FOXP2: variants seen among roughly 807,000 people sequenced by gnomAD.
The protein encoded by FOXP2 is forkhead box protein P2.
A neutral mutation model predicts 115.8 loss-of-function variants in FOXP2; 12 were observed. The ratio of observed to expected loss-of-function variants is 0.10; its 90% confidence interval spans 0.07 to 0.17. The LOEUF is 0.17. Ranked by LOEUF, FOXP2 falls within the 10% of genes least tolerant of loss-of-function variation. The pLI is 1.00. For synonymous variants in FOXP2, 328 were observed against 297.7 expected, an observed-to-expected ratio of 1.10 and a Z score of -1.05; for missense variants, 629 against 843.5, an observed-to-expected ratio of 0.75 and a Z score of 3.15.
At position 114,534,717 on chromosome 7, in the gene FOXP2, C is replaced by T. The variant is rs1165093390; in HGVS notation, c.258+11C>T. On this transcript the variant is annotated intron_variant, in intron 3 of 16. Coordinates refer to ENST00000350908, the MANE Select transcript of FOXP2 (RefSeq NM_014491.4). Reference sequence around the variant, plus strand: ...CAGAGACCACTGCAGGTTAGTAAAGCACTCCTGTCCTTGGGGTCTTATTTT... The same window carrying T: ...CAGAGACCACTGCAGGTTAGTAAAGTACTCCTGTCCTTGGGGTCTTATTTT... 1.2e-6 allele frequency: 2 copies of T among 1,600,878 alleles called. No homozygotes were observed. The highest frequency in any genetic ancestry group is 2.7e-5 in the African/African-American group (2 of 74,554).
chr7:114,265,435 T>C (rs983820438), intron 1 of FOXP2, among the ~76,000 whole-genome samples: 2 of 152,180 alleles, frequency 1.3e-5, no homozygotes, highest in African/African-American at 4.8e-5. Context: ...TCCCAAGGCC[T>C]TGGGCAGCTC....
At chr7:114,349,537 T>C (rs1294295472) in intron 2 of FOXP2, among the ~76,000 whole-genome samples, 2 of 152,110 alleles carry the variant, frequency 1.3e-5, no homozygotes. Flanking sequence ...TGGCAGTAGA[T>C]ATTTGATTGT....
chr7:114,345,250 T>C (rs1341508964), intron 2 of FOXP2, among the ~76,000 whole-genome samples: 3 of 151,810 alleles, frequency 2.0e-5, no homozygotes, highest in South Asian at 2.1e-4. Context: ...GACATTATTT[T>C]AAAATTGTGT....
upstream of FOXP2, among the ~76,000 whole-genome samples, chr7:114,410,299 C>G (rs1251602252): frequency 1.3e-5 from 2 of 152,022 alleles, no homozygotes; most frequent in Non-Finnish European, 2.9e-5. Context: ...CCTACTTTCC[C>G]ATGACACCCA....
chr7:114,091,044 A>G (rs1799533149), intron 1 of FOXP2, among the ~76,000 whole-genome samples: 1 of 151,846 alleles, frequency 6.6e-6, no homozygotes. Flanking sequence ...ATATTGTAGG[A>G]TACTCTTCCC....
intron 3 of FOXP2, among the ~76,000 whole-genome samples, chr7:114,588,967 A>G (rs778472152): frequency 9.9e-5 from 15 of 152,174 alleles, no homozygotes; most frequent in African/African-American, 3.1e-4. Context: ...ATTTTTGCTA[A>G]TTCTATTAAG....
intron 1 of FOXP2, among the ~76,000 whole-genome samples, chr7:114,117,347 G>GAGCT (rs1189938865): frequency 6.6e-6 from 1 of 151,396 alleles, no homozygotes; most frequent in East Asian, 2.0e-4. Flanking sequence ...CTAGCCTCCC[G>GAGCT]AGTAGCTGGG....
chr7:114,504,475 C>G (rs1412063103), intron 2 of FOXP2, among the ~76,000 whole-genome samples: 1 of 151,556 alleles, frequency 6.6e-6, no homozygotes, highest in African/African-American at 2.4e-5. Context: ...GATGTTATTT[C>G]TGTTCCTTGG....
At chr7:114,665,635 T>G (rs546026839) in intron 16 of FOXP2, 1 of 152,144 alleles carries the variant, frequency 6.6e-6, no homozygotes, top group South Asian at 2.1e-4. Context: ...TGAACATTAA[T>G]GTGTTTTATC....
intron 1 of FOXP2, among the ~76,000 whole-genome samples, chr7:114,262,309 G>A (rs1300111820): frequency 2.0e-5 from 3 of 152,048 alleles, no homozygotes; most frequent in Non-Finnish European, 4.4e-5. Context: ...TGTAATCTCA[G>A]CTGCTTGGAT....
chr7:114,514,668 T>G (rs1798240913), intron 2 of FOXP2, among the ~76,000 whole-genome samples: 1 of 151,730 alleles, frequency 6.6e-6, no homozygotes, highest in Admixed American at 6.6e-5. Flanking sequence ...CACATATTTC[T>G]TTTTTACATT....
intron 2 of FOXP2, among the ~76,000 whole-genome samples, chr7:114,441,803 C>T (rs1794618433): frequency 6.6e-6 from 1 of 152,144 alleles, no homozygotes; most frequent in African/African-American, 2.4e-5. Flanking sequence ...TAATACCACA[C>T]TGAGATACTA....
At chr7:114,557,787 CTTTATTTATTTA>C (rs59243864) in intron 3 of FOXP2, among the ~76,000 whole-genome samples, 69 of 148,214 alleles carry the variant, frequency 4.7e-4, no homozygotes, top group South Asian at 2.8e-3. Flanking sequence ...ACTGAACTGA[CTTTATTTATTTA>C]TTTATTTATT....
intron 2 of FOXP2, among the ~76,000 whole-genome samples, chr7:114,462,210 G>A (rs1360846577): frequency 6.8e-6 from 1 of 146,874 alleles, no homozygotes; most frequent in Non-Finnish European, 1.5e-5. Flanking sequence ...GAACCCGGGA[G>A]GCGGAGGTTG....
intron 3 of FOXP2, among the ~76,000 whole-genome samples, chr7:114,584,364 A>G (rs1210243920): frequency 6.6e-6 from 1 of 152,118 alleles, no homozygotes; most frequent in Non-Finnish European, 1.5e-5. Flanking sequence ...AGCTCCATCC[A>G]CTGCAAACAA....
Position 114,629,975 on chromosome 7 carries a change from G to GCAA in FOXP2, c.570_572dup (p.Gln191dup). The GCAA allele has an allele frequency of 6.2e-7, 1 of 1,608,562 alleles. No homozygotes were observed. The highest frequency in any genetic ancestry group is 8.5e-7 in the Non-Finnish European group (1 of 1,178,768). ...AGCAGCAGCAACAGCAGCAGCAGCA[G>GCAA]CAACAGCATCCTGGAAAGCAAGCGA... On this transcript the variant is annotated inframe_insertion, in exon 5 of 17. Coordinates refer to ENST00000350908, the MANE Select transcript of FOXP2 (RefSeq NM_014491.4).
rs117447025 is a variant in FOXP2 at position 114,100,844 on chromosome 7, G to T, written c.-247+13006G>T. ...GCAGGCACTTTTCTAAGCACTTTGT[G>T]TGTACAAATTCATTTAATCCTCATA... On this transcript the variant is annotated intron_variant, in intron 1 of 19. Coordinates refer to the FOXP2 transcript ENST00000635638. Among the ~76,000 whole-genome samples, 7 of 152,260 alleles carry T rather than the reference G, an allele frequency of 4.6e-5. No homozygotes were observed. The East Asian group carries it at 1.3e-3, about 29-fold the overall frequency.
At chr7:114,268,014 A>G (rs1795940299) in intron 1 of FOXP2, among the ~76,000 whole-genome samples, 1 of 151,966 alleles carries the variant, frequency 6.6e-6, no homozygotes, top group Non-Finnish European at 1.5e-5. Flanking sequence ...GTGTCCATGT[A>G]TTTGACTACT....
chr7:114,219,377 A>G (rs1584554016), intron 1 of FOXP2, among the ~76,000 whole-genome samples: 1 of 152,258 alleles, frequency 6.6e-6, no homozygotes, highest in Non-Finnish European at 1.5e-5. Flanking sequence ...GAGTATGTTA[A>G]TATATGATCT....
Sources: allele counts gnomAD v4.1 joint callset (sites outside exome capture counted in the v4.1 genomes callset), GRCh38; gene constraint gnomAD v4.1.1; transcripts MANE v1.5; gene names NCBI Gene and HGNC (gene_info 2026-07-23, HGNC 2026-07-21).